The following CDYL variants were observed in gnomAD, a reference collection of about 807,000 sequenced individuals.
The protein encoded by CDYL is chromodomain Y-like protein.
Under a neutral mutation model 47.3 loss-of-function variants are expected in CDYL, and 8 were observed. The observed-to-expected ratio is 0.17, with a 90% CI of 0.10 to 0.31. CDYL has a LOEUF of 0.31. Ranked by LOEUF, CDYL falls within the 10% of genes least tolerant of loss-of-function variation. The pLI is 1.00. For missense variants in CDYL, 471 were observed against 701.4 expected (o/e 0.67, Z 3.71); for synonymous variants, 266 against 265.0 (o/e 1.00, Z -0.04).
chr6:4,767,610 G>A (rs1037197298), intron 3 of CDYL, among the ~76,000 whole-genome samples: 1 of 151,872 alleles, frequency 6.6e-6, no homozygotes, highest in Non-Finnish European at 1.5e-5. Flanking sequence ...GGGGAGGGGA[G>A]GGGAGCAGAG....
At chr6:4,784,208 A>G (rs966881260) in intron 1 of CDYL, among the ~76,000 whole-genome samples, 8 of 152,110 alleles carry the variant, frequency 5.3e-5, no homozygotes, top group Non-Finnish European at 8.8e-5. Context: ...CTAATCTGCA[A>G]TTCGTTTTTT....
chr6:4,800,897 G>T (rs1388020354), intron 1 of CDYL, among the ~76,000 whole-genome samples: 2 of 152,144 alleles, frequency 1.3e-5, no homozygotes, highest in African/African-American at 4.8e-5. Flanking sequence ...TTTGACTAAG[G>T]TGTGTCTAGA....
chr6:4,712,120 G>T (rs531213805), intron 1 of CDYL, among the ~76,000 whole-genome samples: 7 of 152,084 alleles, frequency 4.6e-5, no homozygotes, highest in Non-Finnish European at 1.0e-4. Context: ...AGAAGCAGAA[G>T]CTTCCACCAA....
intron 2 of CDYL, chr6:4,928,736 G>C (rs924133191): frequency 1.3e-5 from 2 of 151,810 alleles, no homozygotes; most frequent in African/African-American, 4.8e-5. Context: ...GAGGTAATTT[G>C]TTAATGATTT....
intron 2 of CDYL, among the ~76,000 whole-genome samples, chr6:4,893,715 C>T (rs1581241853): frequency 6.6e-6 from 1 of 150,720 alleles, no homozygotes; most frequent in Admixed American, 6.6e-5. Context: ...AAAAAAGAGA[C>T]TCCGTCTCTT....
intron 1 of CDYL, among the ~76,000 whole-genome samples, chr6:4,777,316 G>C (rs76149946): frequency 0.054 from 8,275 of 152,244 alleles, 592 homozygotes; most frequent in African/African-American, 0.16. Flanking sequence ...AATGCTAAAC[G>C]TTGACCACAT....
chr6:4,765,238 A>C (rs1388183398), intron 3 of CDYL, among the ~76,000 whole-genome samples: 1 of 152,002 alleles, frequency 6.6e-6, no homozygotes, highest in African/African-American at 2.4e-5. Flanking sequence ...CATGAGAATC[A>C]CTTGAACCCG....
intron 2 of CDYL, among the ~76,000 whole-genome samples, chr6:4,908,294 C>T (rs527862086): frequency 7.2e-5 from 11 of 152,234 alleles, no homozygotes; most frequent in Middle Eastern, 3.4e-3. Flanking sequence ...GGTCCGGAAC[C>T]GGGCAGGCCA....
At chr6:4,929,952 A>T (rs1377412131) in intron 2 of CDYL, among the ~76,000 whole-genome samples, 1 of 152,032 alleles carries the variant, frequency 6.6e-6, no homozygotes, top group African/African-American at 2.4e-5. Flanking sequence ...ATGCTTTTTT[A>T]AAGTGTTAGA....
intron 4 of CDYL, 24 bp from the exon 5 acceptor site, chr6:4,943,522 T>C: frequency 1.3e-6 from 2 of 1,493,842 alleles, no homozygotes; most frequent in Non-Finnish European, 1.9e-6. Flanking sequence ...TTTTGAGTAA[T>C]TCCCCATTTA....
At chr6:4,920,519 C>T (rs1392120885) in intron 2 of CDYL, among the ~76,000 whole-genome samples, 1 of 152,200 alleles carries the variant, frequency 6.6e-6, no homozygotes, top group Non-Finnish European at 1.5e-5. Flanking sequence ...TGGAGGGCGC[C>T]GTTCCTGGAA....
intron 2 of CDYL, among the ~76,000 whole-genome samples, chr6:4,898,041 G>A (rs571308807): frequency 1.2e-4 from 18 of 151,970 alleles, no homozygotes; most frequent in African/African-American, 4.3e-4. Context: ...CTGGGCAATT[G>A]AGCAAGACTG....
At chr6:4,786,504 G>T (rs12207446) in intron 1 of CDYL, among the ~76,000 whole-genome samples, 2 of 151,940 alleles carry the variant, frequency 1.3e-5, no homozygotes, top group East Asian at 3.9e-4. Context: ...TTTGAATTAA[G>T]TAGTTCAAAA....
intron 1 of CDYL, among the ~76,000 whole-genome samples, chr6:4,863,134 T>G (rs373939264): frequency 6.6e-6 from 1 of 152,156 alleles, no homozygotes; most frequent in Non-Finnish European, 1.5e-5. Flanking sequence ...CACTTATAAG[T>G]GGGAACTAAA....
chr6:4,752,395 A>G (rs899867761), intron 3 of CDYL, among the ~76,000 whole-genome samples: 4 of 152,162 alleles, frequency 2.6e-5, no homozygotes, highest in African/African-American at 9.7e-5. Context: ...TGCTGGCTTG[A>G]CAACTTTAAA....
chr6:4,933,409 A>G (rs574157335), intron 2 of CDYL, among the ~76,000 whole-genome samples: 2 of 152,234 alleles, frequency 1.3e-5, no homozygotes, highest in East Asian at 1.9e-4. Context: ...CCAGGCTCAC[A>G]TGTTTAGAGT....
At chr6:4,737,197 A>G (rs563583601) in intron 3 of CDYL, among the ~76,000 whole-genome samples, 4 of 152,336 alleles carry the variant, frequency 2.6e-5, no homozygotes, top group African/African-American at 9.6e-5. Context: ...CCTAAAGGAA[A>G]CCATATGTGA....
At chr6:4,761,999 G>T (rs1758182238) in intron 3 of CDYL, among the ~76,000 whole-genome samples, 1 of 152,190 alleles carries the variant, frequency 6.6e-6, no homozygotes, top group Admixed American at 6.5e-5. Flanking sequence ...CCATGGAGGT[G>T]AGCCCGGAGT....
intron 1 of CDYL, among the ~76,000 whole-genome samples, chr6:4,798,239 C>CT (rs1393301452): frequency 9.2e-5 from 14 of 152,200 alleles, no homozygotes; most frequent in African/African-American, 3.4e-4. Context: ...TCCCAAAGTG[C>CT]TAGGATTACA....
Sources: allele counts gnomAD v4.1 joint callset (sites outside exome capture counted in the v4.1 genomes callset), GRCh38; gene constraint gnomAD v4.1.1; transcripts MANE v1.5; gene names NCBI Gene and HGNC (gene_info 2026-07-23, HGNC 2026-07-21).